The following TRIM5 variants were observed in gnomAD, a reference collection of about 807,000 sequenced individuals.
TRIM5 encodes tripartite motif-containing protein 5.
In TRIM5, 31 loss-of-function variants were observed where a neutral mutation model predicts 35.6. The observed-to-expected ratio is 0.87, with a 90% CI of 0.65 to 1.18. The LOEUF (loss-of-function observed/expected upper bound fraction) is 1.18, where lower values mean the gene tolerates loss of function less well. Among genes scored for constraint, TRIM5 ranks in the 50% most tolerant of loss-of-function variants. TRIM5 has a pLI of 0.00. For missense variants in TRIM5, 609 were observed against 591.6 expected, an observed-to-expected ratio of 1.03 and a Z score of -0.31; for synonymous variants, 243 against 215.6, an observed-to-expected ratio of 1.13 and a Z score of -1.11.
At chr11:5,601,302 C>T in the TRIM5 span, among the ~76,000 whole-genome samples, 7 of 152,182 alleles carry the variant, frequency 4.6e-5, no homozygotes, top group Non-Finnish European at 1.0e-4. Context: ...GCCAATTCTA[C>T]AACTTACAAG....
chr11:5,599,280 C>T, the TRIM5 span, among the ~76,000 whole-genome samples: 6 of 152,066 alleles, frequency 3.9e-5, no homozygotes, highest in Admixed American at 1.3e-4. Context: ...GAATTGGGTA[C>T]GCTAAATACA....
chr11:5,626,303 T>G, the TRIM5 span, among the ~76,000 whole-genome samples: 1 of 152,310 alleles, frequency 6.6e-6, no homozygotes, highest in Admixed American at 6.5e-5. Flanking sequence ...AAAGTGATCA[T>G]AGACCATATC....
chr11:5,596,536 T>TCCCCCTTCCCCCTTCCCCCTTCCCCTC, the TRIM5 span: 1 of 5,382 alleles, frequency 1.9e-4, no homozygotes, highest in African/African-American at 5.2e-4. Flanking sequence ...CCTTCCCCCT[T>TCCCCCTTCCCCCTTCCCCCTTCCCCTC]CCCCCTTCCC....
the TRIM5 span, chr11:5,626,467 C>T: frequency 6.6e-6 from 1 of 152,156 alleles, no homozygotes; most frequent in Admixed American, 6.5e-5. Flanking sequence ...ATTGTAAGAA[C>T]ACATTTGAGT....
At chr11:5,671,822 A>ACCG (rs200867400) in intron 4 of TRIM5, among the ~76,000 whole-genome samples, 1 of 49,958 alleles carries the variant, frequency 2.0e-5, no homozygotes, top group Non-Finnish European at 5.5e-5. Context: ...TTGGGGAAAA[A>ACCG]TTGTTACATT....
At chr11:5,608,709 G>A in the TRIM5 span, among the ~76,000 whole-genome samples, 2 of 151,804 alleles carry the variant, frequency 1.3e-5, no homozygotes, top group African/African-American at 4.8e-5. Flanking sequence ...AAAAAAAAAT[G>A]AATAAAGAGT....
intron 4 of TRIM5, among the ~76,000 whole-genome samples, chr11:5,668,735 C>T (rs1851336218): frequency 6.6e-6 from 1 of 152,192 alleles, no homozygotes; most frequent in South Asian, 2.1e-4. Flanking sequence ...CAGGCATGTG[C>T]CACGACACCC....
At chr11:5,610,464 G>T in the TRIM5 span, 1 of 1,612,152 alleles carries the variant, frequency 6.2e-7, no homozygotes, top group Non-Finnish European at 8.5e-7. Flanking sequence ...CCTCAATGTA[G>T]TAAGGAGAGA....
chr11:5,643,652 A>G, the TRIM5 span: 2 of 1,613,984 alleles, frequency 1.2e-6, no homozygotes, highest in Admixed American at 1.7e-5. Flanking sequence ...CTGTTTATCC[A>G]TATTTCAATC....
chr11:5,668,624 A>G (rs1284474914), intron 4 of TRIM5, among the ~76,000 whole-genome samples: 1 of 151,668 alleles, frequency 6.6e-6, no homozygotes, highest in Non-Finnish European at 1.5e-5. Flanking sequence ...TATTTTTTGT[A>G]TTTTTAGTAG....
rs1852329590 is a variant in TRIM5, at chr11:5,680,237, C to T, written c.-60G>A. 1.3e-6 allele frequency: 2 copies of T among 1,496,060 alleles called. No individual in the cohort carries two copies. Among genetic ancestry groups the T allele is most frequent in the East Asian group, 2.3e-5 (1 of 43,872 alleles). 92.7% of individuals were successfully genotyped at this position (1,496,060 alleles called of 1,614,324 possible). ...GCTGAGGTTCCTCTTGTTCACAGAT[C>T]CCTGCATGATTGGGAAGGTTAAAAT... On this transcript the variant is annotated splice_region_variant and 5_prime_UTR_variant, in exon 2 of 8. Coordinates refer to ENST00000380034, the MANE Select transcript of TRIM5 (RefSeq NM_033034.3).
At chr11:5,619,748 A>C in the TRIM5 span, 1 of 115,718 alleles carries the variant, frequency 8.6e-6, no homozygotes, top group Non-Finnish European at 1.6e-5. Context: ...TCTGTTGCCC[A>C]GGCTAGAGTA....
At chr11:5,614,771 T>C in the TRIM5 span, among the ~76,000 whole-genome samples, 1 of 152,220 alleles carries the variant, frequency 6.6e-6, no homozygotes, top group Non-Finnish European at 1.5e-5. Flanking sequence ...AAAAATAATC[T>C]TTTTAGGGGA....
the TRIM5 span, chr11:5,633,714 TG>T: frequency 7.4e-7 from 1 of 1,356,752 alleles, no homozygotes; most frequent in Non-Finnish European, 9.9e-7. Context: ...TGCTTTTTTC[TG>T]GGATCAACTT....
chr11:5,650,831 T>A, the TRIM5 span, among the ~76,000 whole-genome samples: 1 of 152,190 alleles, frequency 6.6e-6, no homozygotes, highest in African/African-American at 2.4e-5. Flanking sequence ...CCAAAAGCTG[T>A]TTCTTGAAAA....
the TRIM5 span, among the ~76,000 whole-genome samples, chr11:5,619,354 C>CT: frequency 6.6e-6 from 1 of 152,216 alleles, no homozygotes; most frequent in Admixed American, 6.5e-5. Context: ...ATCTTCAGTT[C>CT]TTTGTCTTAT....
At chr11:5,644,198 G>C in the TRIM5 span, 3 of 398,910 alleles carry the variant, frequency 7.5e-6, no homozygotes, top group Admixed American at 4.4e-5. Context: ...TTTATGTCCA[G>C]AGTATTTGAG....
the TRIM5 span, among the ~76,000 whole-genome samples, chr11:5,593,168 G>A: frequency 6.6e-6 from 1 of 152,154 alleles, no homozygotes; most frequent in Admixed American, 6.5e-5. Flanking sequence ...AGTTCTTCCT[G>A]TAATCAGATG....
In TRIM5 at chr11:5,665,197, A is replaced by T; in HGVS notation, c.1094T>A (p.Val365Glu). 1 of 1,614,170 alleles carries T rather than the reference A, an allele frequency of 6.2e-7. No individual in the cohort carries two copies. The highest frequency in any genetic ancestry group is 8.5e-7 in the Non-Finnish European group (1 of 1,180,020). Residue 365 changes from valine (V) to glutamate (E), a missense_variant, in exon 8 of 8, where the codon GTG (valine) becomes GAG (glutamate). Coordinates refer to ENST00000380034, the MANE Select transcript of TRIM5 (RefSeq NM_033034.3). ...CAGGATCCAAGCAGTTTTCTTGGAC[A>T]CGTCTACCTCCCAGTAATGTTTCCC... ...TSGKHYWEVD[V>E]SKKTAWILGV...
Sources: allele counts gnomAD v4.1 joint callset (sites outside exome capture counted in the v4.1 genomes callset), GRCh38; gene constraint gnomAD v4.1.1; transcripts MANE v1.5; gene names NCBI Gene and HGNC (gene_info 2026-07-23, HGNC 2026-07-21).